Variants in CHCHD3 observed in about 807,000 individuals in gnomAD.
The protein encoded by CHCHD3 is coiled-coil-helix-coiled-coil-helix domain containing 3.
In CHCHD3, 20 loss-of-function variants were observed where a neutral mutation model predicts 38.2. That is an observed-to-expected ratio of 0.52 (90% CI 0.37 to 0.76). The LOEUF is 0.76. Among genes scored for constraint, CHCHD3 ranks in the 30% least tolerant of loss-of-function variants. CHCHD3 has a pLI of 0.00. For missense variants in CHCHD3, 245 were observed against 279.2 expected (o/e 0.88, Z 0.87); for synonymous variants, 82 against 100.0 (o/e 0.82, Z 1.07).
rs1464684605 is a variant in CHCHD3, at chr7:132,950,476, T to C, written c.369+24693A>G. On this transcript the variant is annotated intron_variant, in intron 4 of 7. Transcript: ENST00000262570. ...TACCAGTACTAGTAAAAATGGCATATACCTTACAAAACATTTGTCATCTTA... is the reference window on the plus strand; with the variant it reads ...TACCAGTACTAGTAAAAATGGCATACACCTTACAAAACATTTGTCATCTTA... Among the ~76,000 whole-genome samples the C allele has an allele frequency of 3.3e-5, 5 of 152,286 alleles. No individual in the cohort carries two copies. The East Asian group carries it at 5.8e-4, about 18-fold the overall frequency.
intron 3 of CHCHD3, among the ~76,000 whole-genome samples, chr7:133,018,718 T>C (rs1813092841): frequency 6.6e-6 from 1 of 152,092 alleles, no homozygotes; most frequent in South Asian, 2.1e-4. Context: ...TATTTTAATA[T>C]AATGTAGAAT....
intron 5 of CHCHD3, among the ~76,000 whole-genome samples, chr7:132,860,702 T>C (rs967683629): frequency 1.4e-4 from 22 of 152,094 alleles, no homozygotes; most frequent in African/African-American, 4.6e-4. Flanking sequence ...TCTCAGCTCA[T>C]TGCAACCTCC....
chr7:132,926,306 G>A (rs1810375820), intron 4 of CHCHD3, among the ~76,000 whole-genome samples: 2 of 152,158 alleles, frequency 1.3e-5, no homozygotes, highest in African/African-American at 2.4e-5. Flanking sequence ...GCTAGATTTC[G>A]GACAGAGATG....
chr7:132,999,141 G>A (rs1172780379), intron 3 of CHCHD3, among the ~76,000 whole-genome samples: 1 of 152,066 alleles, frequency 6.6e-6, no homozygotes, highest in African/African-American at 2.4e-5. Context: ...ACTATTCAAA[G>A]AATAAGGCCC....
At chr7:132,880,187 G>C (rs1809017448) in intron 5 of CHCHD3, among the ~76,000 whole-genome samples, 2 of 152,150 alleles carry the variant, frequency 1.3e-5, no homozygotes, top group Non-Finnish European at 2.9e-5. Context: ...GTTGGTACTA[G>C]ACAGCAGCTA....
At chr7:132,878,359 TCA>T (rs35991476) in intron 5 of CHCHD3, among the ~76,000 whole-genome samples, 82,386 of 151,784 alleles carry the variant, frequency 0.54, 23,184 homozygotes, top group Non-Finnish European at 0.62. Context: ...AAAGAAGAAG[TCA>T]CACACAATCA....
At chr7:132,907,210 G>A (rs960421135) in intron 4 of CHCHD3, among the ~76,000 whole-genome samples, 1 of 152,134 alleles carries the variant, frequency 6.6e-6, no homozygotes, top group African/African-American at 2.4e-5. Context: ...CTTGTCTATT[G>A]CATCTCATTC....
rs145247233 is a variant in CHCHD3, at chr7:132,833,983, C to T, written c.524+4416G>A. ...TTCATCAGATACAATTAACTAAATT[C>T]TCCTCAAAGTCCTTCAGAACTTGTT... On this transcript the variant is annotated intron_variant, in intron 6 of 7. Coordinates refer to ENST00000262570, the MANE Select transcript of CHCHD3 (RefSeq NM_017812.4). Among the ~76,000 whole-genome samples, 7 of 152,228 alleles carry T rather than the reference C, an allele frequency of 4.6e-5. 1 individual carries two copies. In the East Asian group the frequency reaches 9.7e-4, roughly 21 times the overall value.
chr7:132,910,088 A>T (rs547464062), intron 4 of CHCHD3, among the ~76,000 whole-genome samples: 1 of 152,354 alleles, frequency 6.6e-6, no homozygotes, highest in Admixed American at 6.5e-5. Flanking sequence ...GTCACAGGAT[A>T]CAAAACCTAA....
At chr7:133,053,967 T>C (rs1814240199) in intron 2 of CHCHD3, among the ~76,000 whole-genome samples, 1 of 152,218 alleles carries the variant, frequency 6.6e-6, no homozygotes, top group African/African-American at 2.4e-5. Context: ...GAAAACTGCA[T>C]TAAACAATTT....
rs139283175 is a variant in CHCHD3, at chr7:132,906,817, C to T, written c.370-21072G>A. On this transcript the variant is annotated intron_variant, in intron 4 of 7. Coordinates refer to ENST00000262570, the MANE Select transcript of CHCHD3 (RefSeq NM_017812.4). ...TAGCCTGCATCCTCCGGAGATGAAA[C>T]GTAACATAAAACTATTAATTGATCT... Among the ~76,000 whole-genome samples the T allele has an allele frequency of 6.5e-3, 988 of 152,238 alleles. 11 individuals carry two copies. The highest frequency in any genetic ancestry group is 0.022 in the African/African-American group (916 of 41,528).
chr7:132,831,196 C>T (rs1448350677), intron 6 of CHCHD3, among the ~76,000 whole-genome samples: 1 of 152,130 alleles, frequency 6.6e-6, no homozygotes, highest in Non-Finnish European at 1.5e-5. Context: ...AACATAACTC[C>T]TGCATTAGAG....
At chr7:133,000,896 C>T (rs966483246) in intron 3 of CHCHD3, among the ~76,000 whole-genome samples, 1 of 152,182 alleles carries the variant, frequency 6.6e-6, no homozygotes, top group East Asian at 1.9e-4. Flanking sequence ...GACCATAGGA[C>T]AGCACAGAGC....
intron 5 of CHCHD3, among the ~76,000 whole-genome samples, chr7:132,876,564 G>A (rs1476651487): frequency 2.0e-5 from 3 of 152,162 alleles, no homozygotes; most frequent in Non-Finnish European, 4.4e-5. Context: ...AATGTGAAGA[G>A]TTGAGAAAGT....
At chr7:133,000,423 T>C (rs1475347673) in intron 3 of CHCHD3, among the ~76,000 whole-genome samples, 1 of 152,154 alleles carries the variant, frequency 6.6e-6, no homozygotes, top group African/African-American at 2.4e-5. Flanking sequence ...CTCTATTAAA[T>C]TAAGGTGACT....
chr7:132,785,736 G>T, intron 7 of CHCHD3, 76 bp from the exon 8 acceptor site: 1 of 1,403,408 alleles, frequency 7.1e-7, no homozygotes, highest in Non-Finnish European at 1.0e-6. Flanking sequence ...TATTTAGTAT[G>T]ATTTGTGTTG....
At chr7:132,962,907 A>C (rs1213150609) in intron 4 of CHCHD3, among the ~76,000 whole-genome samples, 2 of 152,172 alleles carry the variant, frequency 1.3e-5, no homozygotes, top group African/African-American at 4.8e-5. Context: ...ATAGTTGCCA[A>C]TATATGATCC....
At chr7:132,978,229 G>T (rs1011626232) in intron 3 of CHCHD3, among the ~76,000 whole-genome samples, 1 of 152,136 alleles carries the variant, frequency 6.6e-6, no homozygotes, top group Non-Finnish European at 1.5e-5. Context: ...GTGATTTTAC[G>T]AAATGAAGAA....
intron 4 of CHCHD3, among the ~76,000 whole-genome samples, chr7:132,909,972 A>C (rs745721154): frequency 4.6e-5 from 7 of 152,186 alleles, no homozygotes; most frequent in Non-Finnish European, 1.0e-4. Context: ...CCCATGAAAA[A>C]CTGGTACCAA....
Sources: allele counts gnomAD v4.1 joint callset (sites outside exome capture counted in the v4.1 genomes callset), GRCh38; gene constraint gnomAD v4.1.1; transcripts MANE v1.5; gene names NCBI Gene and HGNC (gene_info 2026-07-23, HGNC 2026-07-21).